The following AMZ1 variants were observed in gnomAD, a reference collection of about 807,000 sequenced individuals.
AMZ1 encodes the protein archaemetzincin-1.
A neutral mutation model predicts 29.9 loss-of-function variants in AMZ1; 39 were observed. The ratio of observed to expected loss-of-function variants is 1.30; its 90% confidence interval spans 1.01 to 1.70. The LOEUF is 1.70. AMZ1 is among the 40% of genes most tolerant of loss of function. The pLI, the probability that AMZ1 is intolerant of heterozygous loss-of-function variation, is 0.00. For synonymous variants in AMZ1, 458 were observed against 304.0 expected (o/e 1.51, Z -5.27); for missense variants, 1,041 against 680.6 (o/e 1.53, Z -5.89).
chr7:2,688,927 G>T (rs1403327999), intron 1 of AMZ1, among the ~76,000 whole-genome samples: 1 of 152,266 alleles, frequency 6.6e-6, no homozygotes, highest in African/African-American at 2.4e-5. Context: ...GGAGGGCAGG[G>T]ACCTGGGTCC....
chr7:2,708,652 ACTGT>A lies in AMZ1; in HGVS notation c.541_544del (p.Ser181ThrfsTer46). The A allele has an allele frequency of 6.2e-7, 1 of 1,613,148 alleles. No homozygotes were observed. The highest frequency in any genetic ancestry group is 1.7e-5 in the Admixed American group (1 of 60,012). On this transcript the variant is annotated frameshift_variant, in exon 4 of 7. Coordinates refer to ENST00000683327, the MANE Select transcript of AMZ1 (RefSeq NM_001384743.1). LOFTEE classifies it high-confidence loss of function. ...ACGCGCTGTGTGTGCTGGGCCTCAC[ACTGT>A]CTGACCTGTACCCCCATGAGGCCTG... is the stretch of plus-strand genomic sequence containing the variant.
At position 2,709,741 on chromosome 7, in the gene AMZ1, G is replaced by T. The variant is rs781449281; in HGVS notation, c.873G>T (p.Arg291=). The change falls in exon 6 of 7, where the codon CGG becomes CGT. Residue 291 remains arginine, a synonymous_variant. Transcript: ENST00000683327. ...GALSLDEALR[R]PLDLCPICLR... is the part of the protein sequence containing the mutation. The stretch of plus-strand genomic sequence containing the variant: ...TCAGCCTGGACGAGGCCCTGCGGCG[G>T]CCCCTGGACCTCTGTCCCATCTGCC... The T allele has an allele frequency of 1.9e-6, 3 of 1,611,476 alleles. No individual in the cohort carries two copies. Among genetic ancestry groups the T allele is most frequent in the South Asian group, 2.2e-5 (2 of 91,008 alleles).
intron 4 of AMZ1, chr7:2,728,311 A>G (rs773460232): frequency 6.6e-6 from 1 of 152,264 alleles, no homozygotes; most frequent in Non-Finnish European, 1.5e-5. Flanking sequence ...CCCCTAAATT[A>G]GTTACAACTA....
rs1435283251 is a variant in AMZ1, at chr7:2,717,367, T to TCTAAG, written c.*4492_*4496dup. 6.6e-6 allele frequency among the ~76,000 whole-genome samples: 1 copy of TCTAAG among 152,218 alleles called. No homozygotes were observed. The highest frequency in any genetic ancestry group is 1.5e-5 in the Non-Finnish European group (1 of 68,036). ...GCTGGAAGCAAACGACGGCCCGTCCTCTAAGCTGGCTTTGCAGCTCCAGTA... is the reference window on the plus strand; with the variant it reads ...GCTGGAAGCAAACGACGGCCCGTCCTCTAAGCTAAGCTGGCTTTGCAGCTCCAGTA... On this transcript the variant is annotated 3_prime_UTR_variant, in exon 7 of 7. Coordinates refer to ENST00000683327, the MANE Select transcript of AMZ1 (RefSeq NM_001384743.1).
At chr7:2,737,344 A>G (rs999293083) in intron 4 of AMZ1, among the ~76,000 whole-genome samples, 1 of 122,472 alleles carries the variant, frequency 8.2e-6, no homozygotes, top group Admixed American at 1.1e-4. Context: ...GCTGGAGTGC[A>G]GTGGTGTGAT....
intron 1 of AMZ1, among the ~76,000 whole-genome samples, chr7:2,693,026 T>G (rs147377898): frequency 9.8e-5 from 15 of 152,296 alleles, no homozygotes; most frequent in African/African-American, 3.6e-4. Flanking sequence ...TGGAGCCCAC[T>G]GTGATCACCC....
At chr7:2,701,442 G>C (rs894733979) in intron 2 of AMZ1, among the ~76,000 whole-genome samples, 16 of 152,166 alleles carry the variant, frequency 1.1e-4, no homozygotes, top group Non-Finnish European at 2.1e-4. Flanking sequence ...TGAGCAGGGT[G>C]GGGGCTTGAG....
chr7:2,702,660 C>A, intron 2 of AMZ1, 62 bp from the exon 3 acceptor site: 3 of 1,471,006 alleles, frequency 2.0e-6, no homozygotes, highest in Admixed American at 2.3e-5. Context: ...GAGTGATTCC[C>A]GGGGAGAGGG....
chr7:2,744,935 T>C (rs1325390372), intron 4 of AMZ1, among the ~76,000 whole-genome samples: 2 of 151,698 alleles, frequency 1.3e-5, no homozygotes, highest in Non-Finnish European at 2.9e-5. Flanking sequence ...GAAGACAAAA[T>C]GAATGAAATG....
intron 4 of AMZ1, among the ~76,000 whole-genome samples, chr7:2,734,675 A>G (rs1173488622): frequency 6.6e-6 from 1 of 152,212 alleles, no homozygotes; most frequent in African/African-American, 2.4e-5. Flanking sequence ...GGAGGAGCCC[A>G]CCTTCCTACT....
chr7:2,705,547 C>T (rs1413256224), intron 3 of AMZ1, among the ~76,000 whole-genome samples: 4 of 152,198 alleles, frequency 2.6e-5, no homozygotes, highest in East Asian at 1.9e-4. Flanking sequence ...TCCTCCCCAT[C>T]GTGGGTGTTG....
At chr7:2,685,086 G>C (rs969552973), upstream of AMZ1, among the ~76,000 whole-genome samples, 6 of 151,534 alleles carry the variant, frequency 4.0e-5, no homozygotes, top group East Asian at 2.0e-4. Flanking sequence ...AGCCAGGATG[G>C]TCTTGATCTT....
At chr7:2,699,208 CAT>C (rs1787907885) in intron 1 of AMZ1, among the ~76,000 whole-genome samples, 2 of 152,212 alleles carry the variant, frequency 1.3e-5, no homozygotes, top group Admixed American at 6.5e-5. Context: ...TGAACAGAGA[CAT>C]AAATGTAGCC....
At position 2,716,098 on chromosome 7, in the gene AMZ1, A is replaced by G. The variant is rs1562379740; in HGVS notation, c.*3220A>G. 1 of 152,152 alleles carries G rather than the reference A, an allele frequency of 6.6e-6. No homozygotes were observed. The highest frequency in any genetic ancestry group is 6.5e-5 in the Admixed American group (1 of 15,270). 9.4% of individuals were successfully genotyped at this position (152,152 alleles called of 1,614,324 possible). On this transcript the variant is annotated 3_prime_UTR_variant, in exon 7 of 7. Coordinates refer to ENST00000683327, the MANE Select transcript of AMZ1 (RefSeq NM_001384743.1). ...GAGCTAAAAATAGTTTCAGGTCATG[A>G]CAGATGTTATCTGTATTGCTGTGTG...
intron 4 of AMZ1, chr7:2,728,791 C>T (rs974124729): frequency 6.6e-6 from 1 of 152,298 alleles, no homozygotes; most frequent in African/African-American, 2.4e-5. Flanking sequence ...CAATGTGTTA[C>T]AGAATTTGGA....
intron 4 of AMZ1, among the ~76,000 whole-genome samples, chr7:2,726,308 T>C (rs1178286628): frequency 6.6e-6 from 1 of 152,142 alleles, no homozygotes; most frequent in Non-Finnish European, 1.5e-5. Flanking sequence ...CACGGTGAAA[T>C]ACAATCCTCA....
chr7:2,750,659 GGT>G (rs1790988454), intron 4 of AMZ1, among the ~76,000 whole-genome samples: 1 of 152,178 alleles, frequency 6.6e-6, no homozygotes, highest in South Asian at 2.1e-4. Context: ...GTTGACTGCG[GGT>G]AACTGAAACC....
At chr7:2,722,111 T>C (rs946866077), downstream of AMZ1, among the ~76,000 whole-genome samples, 16 of 152,148 alleles carry the variant, frequency 1.1e-4, no homozygotes, top group African/African-American at 3.6e-4. Context: ...CCTTCGGCAG[T>C]GTGTCCTCCT....
At chr7:2,727,872 A>G (rs1462009063) in intron 4 of AMZ1, among the ~76,000 whole-genome samples, 1 of 152,114 alleles carries the variant, frequency 6.6e-6, no homozygotes, top group African/African-American at 2.4e-5. Context: ...CCTGGCCAAC[A>G]TGGTGAAACC....
Sources: allele counts gnomAD v4.1 joint callset (sites outside exome capture counted in the v4.1 genomes callset), GRCh38; gene constraint gnomAD v4.1.1; transcripts MANE v1.5; gene names NCBI Gene and HGNC (gene_info 2026-07-23, HGNC 2026-07-21).